The following CADPS2 variants were observed in gnomAD, a reference collection of about 807,000 sequenced individuals.
CADPS2 encodes the protein calcium dependent secretion activator 2.
CADPS2 carries 93 observed loss-of-function variants against 172.5 expected under a neutral mutation model. The observed-to-expected ratio is 0.54, with a 90% confidence interval of 0.46 to 0.64. The LOEUF is 0.64. Among genes scored for constraint, CADPS2 ranks in the 30% least tolerant of loss-of-function variants. The probability of loss-of-function intolerance (pLI) is 0.00; values close to 1 mark genes in which losing one functional copy is unlikely to be tolerated. For synonymous variants in CADPS2, 546 were observed against 555.2 expected, an observed-to-expected ratio of 0.98 and a Z score of 0.23; for missense variants, 1,420 against 1,565.9, an observed-to-expected ratio of 0.91 and a Z score of 1.57.
intron 19 of CADPS2, 67 bp downstream of exon 19, chr7:122,414,001 T>C (rs540116477): frequency 2.3e-5 from 30 of 1,315,112 alleles, no homozygotes; most frequent in Admixed American, 2.0e-4. Context: ...TCAGAGTAGA[T>C]TGTATTTTAA....
intron 2 of CADPS2, among the ~76,000 whole-genome samples, chr7:122,733,653 A>G (rs553240785): frequency 2.6e-5 from 4 of 151,980 alleles, no homozygotes; most frequent in Non-Finnish European, 5.9e-5. Context: ...ACCTCTGTTT[A>G]ACTTTGGGAC....
At chr7:122,648,111 A>G (rs1401720507) in intron 3 of CADPS2, among the ~76,000 whole-genome samples, 1 of 152,128 alleles carries the variant, frequency 6.6e-6, no homozygotes, top group Non-Finnish European at 1.5e-5. Flanking sequence ...AGCAGGTGGC[A>G]TAGAGATTAG....
intron 12 of CADPS2, among the ~76,000 whole-genome samples, chr7:122,475,047 GGA>G (rs2056467398): frequency 2.0e-5 from 3 of 152,136 alleles, no homozygotes; most frequent in Non-Finnish European, 4.4e-5. Context: ...TTAAGAGACA[GGA>G]AAAAGGGAGC....
intron 2 of CADPS2, among the ~76,000 whole-genome samples, chr7:122,670,108 T>A (rs1265681295): frequency 6.6e-6 from 1 of 152,006 alleles, no homozygotes; most frequent in Non-Finnish European, 1.5e-5. Flanking sequence ...GCCTTGCAAC[T>A]GCTTCAGAGG....
intron 1 of CADPS2, among the ~76,000 whole-genome samples, chr7:122,782,349 T>C (rs1792949251): frequency 6.8e-6 from 1 of 146,826 alleles, no homozygotes; most frequent in African/African-American, 2.6e-5. Context: ...TAGTTCAGTA[T>C]CCTGCTCATT....
intron 25 of CADPS2, among the ~76,000 whole-genome samples, chr7:122,367,539 G>GGTT (rs1554467745): frequency 9.9e-6 from 1 of 100,620 alleles, no homozygotes; most frequent in Non-Finnish European, 1.8e-5. Flanking sequence ...CCTTCCCCCA[G>GGTT]TTTTTTTTTT....
chr7:122,788,819 T>G (rs997397960), intron 1 of CADPS2, among the ~76,000 whole-genome samples: 12 of 152,216 alleles, frequency 7.9e-5, no homozygotes, highest in African/African-American at 2.9e-4. Flanking sequence ...ACTTTGTTCC[T>G]TGCGTTCATT....
chr7:122,339,141 A>G (rs1277176535), intron 28 of CADPS2: 2 of 152,192 alleles, frequency 1.3e-5, no homozygotes, highest in African/African-American at 4.8e-5. Flanking sequence ...AGTGGGTTCC[A>G]GCCTGCATTC....
intron 1 of CADPS2, among the ~76,000 whole-genome samples, chr7:122,805,316 C>A (rs185363684): frequency 6.6e-6 from 1 of 152,094 alleles, no homozygotes; most frequent in African/African-American, 2.4e-5. Context: ...CTTGCCACCA[C>A]GCCTAGCTAA....
At chr7:122,716,162 A>T (rs2089569061) in intron 2 of CADPS2, among the ~76,000 whole-genome samples, 1 of 152,164 alleles carries the variant, frequency 6.6e-6, no homozygotes, top group Non-Finnish European at 1.5e-5. Flanking sequence ...TTAATTTTTT[A>T]AAAAACTGAT....
At chr7:122,520,658 ACC>A (rs2060718067) in intron 8 of CADPS2, among the ~76,000 whole-genome samples, 1 of 152,122 alleles carries the variant, frequency 6.6e-6, no homozygotes, top group African/African-American at 2.4e-5. Context: ...GAACTCGCTT[ACC>A]CAAACACTTT....
intron 11 of CADPS2, among the ~76,000 whole-genome samples, chr7:122,485,497 C>T (rs1382519658): frequency 2.6e-5 from 4 of 152,204 alleles, no homozygotes; most frequent in African/African-American, 9.6e-5. Context: ...AAGGCCCTGC[C>T]TTTCTTCGAT....
At chr7:122,362,103 A>AAAAC (rs746659513) in intron 25 of CADPS2, among the ~76,000 whole-genome samples, 10 of 152,178 alleles carry the variant, frequency 6.6e-5, no homozygotes, top group South Asian at 4.1e-4. Flanking sequence ...AAAAAACCAA[A>AAAAC]AAACAAACAA....
intron 6 of CADPS2, among the ~76,000 whole-genome samples, chr7:122,586,007 G>A (rs1161508205): frequency 6.6e-6 from 1 of 151,858 alleles, no homozygotes; most frequent in East Asian, 1.9e-4. Flanking sequence ...ATGTATAACA[G>A]TAAACACTTA....
chr7:122,335,280 C>T (rs558994258), intron 28 of CADPS2, among the ~76,000 whole-genome samples: 3 of 152,276 alleles, frequency 2.0e-5, no homozygotes, highest in East Asian at 3.9e-4. Context: ...GATGGAGTCT[C>T]GCTCTGTCAC....
intron 3 of CADPS2, 24 bp downstream of exon 3, chr7:122,663,213 G>A (rs2080804075): frequency 6.6e-7 from 1 of 1,519,482 alleles, no homozygotes; most frequent in African/African-American, 1.4e-5. Context: ...GACAGGGGAA[G>A]GGAAAATATC....
chr7:122,407,813 T>G lies in CADPS2; in HGVS notation c.2590-117A>C, dbSNP rs761144838. On this transcript the variant is annotated intron_variant, in intron 19 of 29. Transcript: ENST00000449022. ...GTCTTAGTTTCACAAACAGGTATGA[T>G]AAACAAAATATAATAGTTTTTAACC... is the stretch of plus-strand genomic sequence containing the variant. 1.3e-4 allele frequency: 128 copies of G among 995,002 alleles called. 1 individual carries two copies. In the Middle Eastern group the frequency reaches 4.8e-3, roughly 38 times the overall value. 61.6% of individuals were successfully genotyped at this position (995,002 alleles called of 1,614,324 possible). A position where few individuals can be genotyped will look rare whatever the true frequency, so the allele number is the denominator to read the frequency against.
At chr7:122,872,341 A>T (rs1019312235) in intron 1 of CADPS2, among the ~76,000 whole-genome samples, 3 of 152,130 alleles carry the variant, frequency 2.0e-5, no homozygotes, top group Admixed American at 1.3e-4. Flanking sequence ...CCTCTCTGTC[A>T]TTTCAGGTGT....
At chr7:122,629,392 C>A in intron 3 of CADPS2, 64 bp from the exon 4 acceptor site, 1 of 1,205,678 alleles carries the variant, frequency 8.3e-7, no homozygotes, top group Non-Finnish European at 1.2e-6. Flanking sequence ...GACCCACAGA[C>A]TGAGGCAGTC....
Sources: gnomAD v4.1 joint callset for allele counts (sites outside exome capture counted in the v4.1 genomes callset) on GRCh38, gnomAD v4.1.1 for gene constraint, MANE v1.5 for transcripts, NCBI Gene and HGNC (gene_info 2026-07-23, HGNC 2026-07-21) for gene names.